The following C7 variants were observed in gnomAD, a reference collection of about 807,000 sequenced individuals.
The protein encoded by C7 is complement C7, also known as complement component C7.
A neutral mutation model predicts 104.8 loss-of-function variants in C7; 83 were observed. The observed-to-expected ratio is 0.79, with a 90% confidence interval of 0.66 to 0.95. The LOEUF is 0.95. Among genes scored for constraint, C7 ranks in the 40% least tolerant of loss-of-function variants. C7 has a pLI of 0.00. For synonymous variants in C7, 415 were observed against 360.6 expected, an observed-to-expected ratio of 1.15 and a Z score of -1.71; for missense variants, 1,070 against 1,011.2, an observed-to-expected ratio of 1.06 and a Z score of -0.79.
intron 3 of C7, 76 bp from the exon 4 acceptor site, chr5:40,934,249 C>T (rs1196148531): frequency 1.5e-6 from 2 of 1,315,850 alleles, no homozygotes; most frequent in Admixed American, 3.3e-5. Flanking sequence ...GATTTTATTA[C>T]TCAGATAAAG....
At chr5:40,946,010 G>C (rs193229346) in intron 7 of C7, among the ~76,000 whole-genome samples, 3 of 149,348 alleles carry the variant, frequency 2.0e-5, no homozygotes, top group Non-Finnish European at 3.0e-5. Context: ...TATTTTAAAC[G>C]ATCTTAAATT....
rs565211372 is a variant in C7, at chr5:40,923,802, G to A, written c.7-4778G>A. Among the ~76,000 whole-genome samples the A allele has an allele frequency of 2.0e-3, 299 of 151,632 alleles. 2 individuals are homozygous for A. The highest frequency in any genetic ancestry group is 3.5e-3 in the Middle Eastern group (1 of 286). On this transcript the variant is annotated intron_variant, in intron 1 of 17. Coordinates refer to ENST00000313164, the MANE Select transcript of C7 (RefSeq NM_000587.4). ...AATGTCATGCACTTTAAAACAATCAGATCTTAATGAGACTCACTATTGCAA... is the reference window on the plus strand; with the variant it reads ...AATGTCATGCACTTTAAAACAATCAAATCTTAATGAGACTCACTATTGCAA...
chr5:40,928,147 T>G (rs888756308), intron 1 of C7, among the ~76,000 whole-genome samples: 3 of 152,130 alleles, frequency 2.0e-5, no homozygotes, highest in Non-Finnish European at 4.4e-5. Context: ...TTAAGTTAAA[T>G]AAACCAGGCA....
rs1479068050 is a variant in C7 at position 40,983,467 on chromosome 5, A to C, written c.*1894A>C. 5.9e-5 allele frequency among the ~76,000 whole-genome samples: 9 copies of C among 152,288 alleles called. No homozygotes were observed. The East Asian group carries it at 1.5e-3, about 26-fold the overall frequency. ...CTAAGAGGTTTGAGAAAGGAATTTCAGCAGAGTTATTGAAGGAGAAGTCAA... is the reference window on the plus strand; with the variant it reads ...CTAAGAGGTTTGAGAAAGGAATTTCCGCAGAGTTATTGAAGGAGAAGTCAA... On this transcript the variant is annotated 3_prime_UTR_variant, in exon 18 of 18. Coordinates refer to ENST00000313164, the MANE Select transcript of C7 (RefSeq NM_000587.4).
chr5:40,969,056 C>T (rs866751463), intron 14 of C7, among the ~76,000 whole-genome samples: 3 of 151,920 alleles, frequency 2.0e-5, no homozygotes, highest in South Asian at 2.1e-4. Context: ...CCTTACTTCC[C>T]GCCCAGTTTC....
At chr5:40,920,312 G>A (rs761278324) in intron 1 of C7, among the ~76,000 whole-genome samples, 9 of 151,880 alleles carry the variant, frequency 5.9e-5, no homozygotes, top group South Asian at 2.1e-4. Flanking sequence ...GTGAGGTATG[G>A]AAGTTTTCTA....
chr5:40,933,761 T>C (rs1172864883), intron 3 of C7, among the ~76,000 whole-genome samples: 2 of 152,218 alleles, frequency 1.3e-5, no homozygotes, highest in Non-Finnish European at 2.9e-5. Context: ...TCCTTAACTC[T>C]GCTTCATCTT....
At chr5:40,916,017 A>G (rs1481489821) in intron 1 of C7, among the ~76,000 whole-genome samples, 1 of 152,200 alleles carries the variant, frequency 6.6e-6, no homozygotes, top group African/African-American at 2.4e-5. Flanking sequence ...TATAAATTGG[A>G]TGCATTTGAT....
chr5:40,963,860 G>T (rs574780923), intron 13 of C7, among the ~76,000 whole-genome samples: 79 of 152,096 alleles, frequency 5.2e-4, no homozygotes, highest in African/African-American at 1.9e-3. Context: ...TGGAGTAGGA[G>T]GGTAGGATGG....
At chr5:40,925,180 T>C (rs1739526215) in intron 1 of C7, among the ~76,000 whole-genome samples, 1 of 152,202 alleles carries the variant, frequency 6.6e-6, no homozygotes, top group African/African-American at 2.4e-5. Flanking sequence ...CTCTTAAATC[T>C]GAGTGTAGGC....
intron 6 of C7, among the ~76,000 whole-genome samples, chr5:40,943,317 G>A (rs906189894): frequency 5.9e-5 from 9 of 152,172 alleles, no homozygotes; most frequent in Non-Finnish European, 1.2e-4. Context: ...AATAAGAGAT[G>A]TTAGAATATA....
chr5:40,930,566 A>G (rs1188870790), intron 2 of C7, among the ~76,000 whole-genome samples: 7 of 147,320 alleles, frequency 4.8e-5, no homozygotes, highest in Non-Finnish European at 9.0e-5. Context: ...GGTACATAAT[A>G]GATTTTGTTT....
At chr5:40,938,077 T>A (rs926101707) in intron 6 of C7, among the ~76,000 whole-genome samples, 1 of 152,148 alleles carries the variant, frequency 6.6e-6, no homozygotes, top group Non-Finnish European at 1.5e-5. Flanking sequence ...GTGAACTATT[T>A]CATATATACA....
At chr5:40,964,447 T>C (rs1740499613) in intron 13 of C7, 3 of 201,062 alleles carry the variant, frequency 1.5e-5, no homozygotes, top group Admixed American at 6.0e-5. Context: ...ATTTGGACAG[T>C]GTCCAAATAA....
At chr5:40,914,029 A>C (rs867463314) in intron 1 of C7, among the ~76,000 whole-genome samples, 1 of 152,022 alleles carries the variant, frequency 6.6e-6, no homozygotes, top group Non-Finnish European at 1.5e-5. Context: ...GAGTCTTACT[A>C]TGTTGCCTAG....
intron 14 of C7, 195 bp from the exon 15 acceptor site, chr5:40,972,208 G>C: frequency 1.7e-6 from 1 of 605,848 alleles, no homozygotes; most frequent in East Asian, 2.8e-5. Flanking sequence ...TTGGTTTTTA[G>C]ATATTCATGG....
At chr5:40,914,905 A>T (rs1739288253) in intron 1 of C7, among the ~76,000 whole-genome samples, 1 of 152,140 alleles carries the variant, frequency 6.6e-6, no homozygotes. Context: ...TTGGCAGGAC[A>T]CGGATGTGTG....
chr5:40,972,908 GT>G (rs1410981343), intron 15 of C7, among the ~76,000 whole-genome samples: 1 of 152,070 alleles, frequency 6.6e-6, no homozygotes, highest in East Asian at 1.9e-4. Context: ...TTTTTTGTTT[GT>G]TTGTTTGTTT....
At chr5:40,943,962 A>C (rs994394373) in intron 6 of C7, among the ~76,000 whole-genome samples, 12 of 152,208 alleles carry the variant, frequency 7.9e-5, no homozygotes, top group Admixed American at 7.9e-4. Flanking sequence ...TACTTGCATG[A>C]TTGTGGTTAA....
Sources: allele counts gnomAD v4.1 joint callset (sites outside exome capture counted in the v4.1 genomes callset), GRCh38; gene constraint gnomAD v4.1.1; transcripts MANE v1.5; gene names NCBI Gene and HGNC (gene_info 2026-07-23, HGNC 2026-07-21).